Variants in AKAP7 observed in about 807,000 individuals in gnomAD.
The protein encoded by AKAP7 is A-kinase anchoring protein 7, also known as A kinase (PRKA) anchor protein 7.
Under a neutral mutation model 39.5 loss-of-function variants are expected in AKAP7, and 39 were observed. The observed-to-expected ratio is 0.99, with a 90% CI of 0.76 to 1.29. The LOEUF (loss-of-function observed/expected upper bound fraction) is 1.29, where lower values mean the gene tolerates loss of function less well. Among genes scored for constraint, AKAP7 ranks in the 50% most tolerant of loss-of-function variants. The pLI, the probability that AKAP7 is intolerant of heterozygous loss-of-function variation, is 0.00. For missense variants in AKAP7, 414 were observed against 407.7 expected (o/e 1.02, Z -0.13); for synonymous variants, 140 against 139.1 (o/e 1.01, Z -0.05).
At chr6:131,131,300 G>T (rs1402743428), upstream of AKAP7, among the ~76,000 whole-genome samples, 2 of 152,122 alleles carry the variant, frequency 1.3e-5, no homozygotes, top group African/African-American at 4.8e-5. Context: ...TATGCTAGAT[G>T]CTTGGTTTAA....
At chr6:131,134,026 C>T (rs995080571), upstream of AKAP7, among the ~76,000 whole-genome samples, 3 of 152,164 alleles carry the variant, frequency 2.0e-5, no homozygotes, top group Non-Finnish European at 4.4e-5. Context: ...CACTGGAGTG[C>T]AATGGCATCA....
At chr6:131,148,283 G>C (rs929786462) in intron 2 of AKAP7, among the ~76,000 whole-genome samples, 1 of 152,184 alleles carries the variant, frequency 6.6e-6, no homozygotes, top group Non-Finnish European at 1.5e-5. Flanking sequence ...AAAAGTCTTT[G>C]TGGGTTAGTC....
intron 4 of AKAP7, among the ~76,000 whole-genome samples, chr6:131,165,480 A>G (rs1326627206): frequency 1.3e-5 from 2 of 152,114 alleles, no homozygotes; most frequent in African/African-American, 2.4e-5. Flanking sequence ...TCTGGACTTG[A>G]CCATTTAGCT....
rs1815266776 is a variant in AKAP7, at chr6:131,282,330, A to T, written c.*604A>T. 2.2e-6 allele frequency: 3 copies of T among 1,360,524 alleles called. No individual in the cohort carries two copies. The highest frequency in any genetic ancestry group is 2.8e-6 in the Non-Finnish European group (3 of 1,058,478). 84.3% of individuals were successfully genotyped at this position (1,360,524 alleles called of 1,614,324 possible). A position where few individuals can be genotyped will look rare whatever the true frequency, so the allele number is the denominator to read the frequency against. On this transcript the variant is annotated 3_prime_UTR_variant, in exon 8 of 8. Coordinates refer to ENST00000431975, the MANE Select transcript of AKAP7 (RefSeq NM_016377.4). ...GTGGGCAACATTTTAAAGTTTTTTT[A>T]AAATCCTATTTTGATAAGTCAGTAT...
Position 131,282,577 on chromosome 6 carries a change from C to G in AKAP7, c.*851C>G. 6 of 1,535,656 alleles carry G rather than the reference C, an allele frequency of 3.9e-6. No individual in the cohort carries two copies. The highest frequency in any genetic ancestry group is 5.2e-6 in the Non-Finnish European group (6 of 1,146,658). On this transcript the variant is annotated 3_prime_UTR_variant, in exon 8 of 8. Transcript: ENST00000431975. Reference sequence around the variant, plus strand: ...TTAACAACAGTAATTCAGCAAATGACGTTGATTTCAGCACAACTTTGACAT... The same window carrying G: ...TTAACAACAGTAATTCAGCAAATGAGGTTGATTTCAGCACAACTTTGACAT...
chr6:131,168,913 T>C (rs1803761779), intron 4 of AKAP7, among the ~76,000 whole-genome samples, 200 bp from the exon 5 acceptor site: 1 of 152,188 alleles, frequency 6.6e-6, no homozygotes, highest in Non-Finnish European at 1.5e-5. Flanking sequence ...TAGGTAAAGA[T>C]TTCTTTACTT....
At chr6:131,133,558 C>G (rs1478752815), upstream of AKAP7, among the ~76,000 whole-genome samples, 1 of 152,168 alleles carries the variant, frequency 6.6e-6, no homozygotes, top group African/African-American at 2.4e-5. Flanking sequence ...ATTCATAATA[C>G]TGGTGGTGAA....
At chr6:131,160,553 GA>G in intron 3 of AKAP7, among the ~76,000 whole-genome samples, 1 of 152,266 alleles carries the variant, frequency 6.6e-6, no homozygotes, top group South Asian at 2.1e-4. Context: ...AAATCCACTT[GA>G]AAAAGTGTTG....
Position 131,211,541 on chromosome 6 carries a change from G to C in AKAP7, c.703-8120G>C, listed in dbSNP as rs536260337. Among the ~76,000 whole-genome samples, 7 of 151,870 alleles carry C rather than the reference G, an allele frequency of 4.6e-5. No homozygotes were observed. In the East Asian group the frequency reaches 1.4e-3, roughly 30 times the overall value. ...AGCACTTTGGGAGGCTGAGGTGGGC[G>C]GATCACGAGGTCAGGAGATTGAGAC... On this transcript the variant is annotated intron_variant, in intron 6 of 7. Transcript: ENST00000431975.
At chr6:131,244,347 G>C (rs142660593) in intron 7 of AKAP7, among the ~76,000 whole-genome samples, 1 of 152,086 alleles carries the variant, frequency 6.6e-6, no homozygotes, top group African/African-American at 2.4e-5. Context: ...TAACTTTACC[G>C]CAAGAGCTTA....
chr6:131,145,833 T>A (rs758204131), intron 2 of AKAP7, among the ~76,000 whole-genome samples: 34 of 152,152 alleles, frequency 2.2e-4, no homozygotes, highest in Non-Finnish European at 3.7e-4. Context: ...GGATTACAGA[T>A]GTGAATGATC....
chr6:131,159,849 A>G (rs148478505), intron 2 of AKAP7, among the ~76,000 whole-genome samples: 1 of 152,358 alleles, frequency 6.6e-6, no homozygotes, highest in East Asian at 1.9e-4. Context: ...TCTACAGCAG[A>G]GTTGAGTAGT....
intron 5 of AKAP7, among the ~76,000 whole-genome samples, chr6:131,182,382 T>C (rs1487735963): frequency 6.6e-6 from 1 of 152,222 alleles, no homozygotes; most frequent in Non-Finnish European, 1.5e-5. Flanking sequence ...AGCTGCCTCA[T>C]AGAAGTGAAA....
At chr6:131,278,659 G>A (rs1814944174) in intron 7 of AKAP7, among the ~76,000 whole-genome samples, 1 of 152,106 alleles carries the variant, frequency 6.6e-6, no homozygotes. Flanking sequence ...CAGGAGGAAG[G>A]GAGAAAATGG....
At chr6:131,182,779 C>T (rs1391231992) in intron 5 of AKAP7, among the ~76,000 whole-genome samples, 1 of 152,084 alleles carries the variant, frequency 6.6e-6, no homozygotes, top group East Asian at 1.9e-4. Flanking sequence ...TACTAGGGCT[C>T]CAACACTTGT....
chr6:131,132,663 T>C (rs1800353136), upstream of AKAP7, among the ~76,000 whole-genome samples: 1 of 152,192 alleles, frequency 6.6e-6, no homozygotes, highest in Admixed American at 6.5e-5. Context: ...CATTCTGGAT[T>C]GGTCTGATTC....
intron 7 of AKAP7, among the ~76,000 whole-genome samples, chr6:131,248,474 A>G (rs1812208015): frequency 6.6e-6 from 1 of 152,214 alleles, no homozygotes; most frequent in African/African-American, 2.4e-5. Flanking sequence ...ACAAAAAGTA[A>G]TGTTTAGGAT....
intron 4 of AKAP7, among the ~76,000 whole-genome samples, chr6:131,165,954 A>C (rs1803440542): frequency 6.6e-6 from 1 of 152,182 alleles, no homozygotes; most frequent in Non-Finnish European, 1.5e-5. Context: ...GGATGAATGC[A>C]GGTTGCTTTT....
intron 7 of AKAP7, among the ~76,000 whole-genome samples, chr6:131,226,564 A>T (rs1441517693): frequency 6.6e-6 from 1 of 152,230 alleles, no homozygotes; most frequent in East Asian, 1.9e-4. Flanking sequence ...GTTCTCTGTG[A>T]GCTACTTACT....
Sources: allele counts gnomAD v4.1 joint callset (sites outside exome capture counted in the v4.1 genomes callset), GRCh38; gene constraint gnomAD v4.1.1; transcripts MANE v1.5; gene names NCBI Gene and HGNC (gene_info 2026-07-23, HGNC 2026-07-21).